The following UHRF1 variants were observed in gnomAD, a reference collection of about 807,000 sequenced individuals.
UHRF1 encodes E3 ubiquitin-protein ligase UHRF1.
Under a neutral mutation model 96.5 loss-of-function variants are expected in UHRF1, and 9 were observed. The ratio of observed to expected loss-of-function variants is 0.09; its 90% CI spans 0.06 to 0.16. The LOEUF is 0.16. UHRF1 is among the 10% of genes least tolerant of loss of function. The pLI is 1.00. For missense variants in UHRF1, 626 were observed against 1,131.1 expected, an observed-to-expected ratio of 0.55 and a Z score of 6.40; for synonymous variants, 455 against 469.9, an observed-to-expected ratio of 0.97 and a Z score of 0.41.
At position 4,960,643 on chromosome 19, in the gene UHRF1, G is replaced by A. The variant is rs367663468; in HGVS notation, c.2236-14G>A. 2.0e-5 allele frequency: 32 copies of A among 1,612,320 alleles called. No homozygotes were observed. In the African/African-American group the frequency reaches 2.5e-4, roughly 13 times the overall value. On this transcript the variant is annotated splice_polypyrimidine_tract_variant and intron_variant, in intron 16 of 16. Coordinates refer to ENST00000650932, the MANE Select transcript of UHRF1 (RefSeq NM_001048201.3). ...TGTGGATGGCACTTCTCACGCGCCT[G>A]CTGTGTCTTACAGGACTGCCTGGAC... is the stretch of plus-strand genomic sequence containing the variant.
At chr19:4,916,500 G>A (rs1217263572) in intron 2 of UHRF1, among the ~76,000 whole-genome samples, 3 of 152,116 alleles carry the variant, frequency 2.0e-5, no homozygotes, top group Admixed American at 2.0e-4. Flanking sequence ...TGTGGCGGTT[G>A]TGTTGACCTC....
intron 1 of UHRF1, 166 bp downstream of exon 1, chr19:4,909,821 G>T: frequency 2.4e-6 from 1 of 423,848 alleles, no homozygotes; most frequent in Non-Finnish European, 4.2e-6. Context: ...TCGTTCCCCG[G>T]CACACATCCG....
chr19:4,947,067 T>G, intron 10 of UHRF1, 38 bp from the exon 11 acceptor site: 9 of 1,395,706 alleles, frequency 6.4e-6, no homozygotes, highest in South Asian at 1.2e-5. Context: ...TTTTTTTGCC[T>G]CTGCAGAGGG....
chr19:4,926,230 T>C (rs2032866454), intron 2 of UHRF1, among the ~76,000 whole-genome samples: 1 of 152,208 alleles, frequency 6.6e-6, no homozygotes, highest in Admixed American at 6.6e-5. Context: ...CCTGGGTTGC[T>C]TCCACTCTCA....
At chr19:4,910,511 G>GGAATGAATGAATCAAT (rs1599233534) in intron 1 of UHRF1, 1 of 180,982 alleles carries the variant, frequency 5.5e-6, no homozygotes, top group African/African-American at 2.3e-5. Flanking sequence ...AGGAATCCGA[G>GGAATGAATGAATCAAT]GAATGAATGA....
chr19:4,935,992 C>T (rs551511554), intron 5 of UHRF1, among the ~76,000 whole-genome samples: 3 of 152,200 alleles, frequency 2.0e-5, no homozygotes, highest in Admixed American at 6.5e-5. Context: ...TTGACTGTCA[C>T]AAGGCAGGGG....
At chr19:4,941,977 C>T (rs768656775) in intron 7 of UHRF1, 46 bp downstream of exon 7, 2 of 1,435,870 alleles carry the variant, frequency 1.4e-6, no homozygotes, top group East Asian at 5.1e-5. Context: ...GCGCCCCCTA[C>T]AAATCCCCAG....
rs372037850 is a variant in UHRF1 at position 4,941,543 on chromosome 19, C to T, written c.801C>T (p.Asn267=). The T allele has an allele frequency of 6.9e-5, 111 of 1,613,186 alleles. No homozygotes were observed. Among genetic ancestry groups the T allele is most frequent in the Middle Eastern group, 1.6e-4 (1 of 6,084 alleles). The part of the protein sequence containing the change: ...ANVVLGDDSL[N]DCRIIFVDEV... Reference sequence around the variant, plus strand: ...TTCCTTGCAGGGATGATTCTCTGAACGACTGTCGGATCATCTTCGTGGACG... The same window carrying T: ...TTCCTTGCAGGGATGATTCTCTGAATGACTGTCGGATCATCTTCGTGGACG... The change falls in exon 6 of 17, where the codon AAC becomes AAT. Residue 267 remains asparagine (N), a synonymous_variant. Coordinates refer to ENST00000650932, the MANE Select transcript of UHRF1 (RefSeq NM_001048201.3).
At chr19:4,940,096 C>A (rs1010898995) in intron 5 of UHRF1, among the ~76,000 whole-genome samples, 1 of 151,110 alleles carries the variant, frequency 6.6e-6, no homozygotes, top group Non-Finnish European at 1.5e-5. Context: ...TCATTAATAA[C>A]TTTTTCATAT....
At chr19:4,909,787 C>T (rs1437531067) in intron 1 of UHRF1, 132 bp downstream of exon 1, 17 of 455,554 alleles carry the variant, frequency 3.7e-5, no homozygotes, top group Non-Finnish European at 4.6e-5. Flanking sequence ...TCCAGGGCCT[C>T]CCCTTCCACC....
Position 4,951,960 on chromosome 19 carries a change from T to C in UHRF1, c.1818+964T>C, listed in dbSNP as rs190659940. Among the ~76,000 whole-genome samples the C allele has an allele frequency of 4.6e-5, 7 of 152,292 alleles. No individual in the cohort carries two copies. The East Asian group carries it at 1.3e-3, about 29-fold the overall frequency. On this transcript the variant is annotated intron_variant, in intron 13 of 16. Transcript: ENST00000650932. ...CTTAATTGCTGTCGAGAGCCTGATG[T>C]CCTCTACCCGAGGGGGTCACTCAGG...
intron 5 of UHRF1, among the ~76,000 whole-genome samples, chr19:4,934,858 T>C (rs986887456): frequency 1.3e-5 from 2 of 152,146 alleles, no homozygotes; most frequent in Admixed American, 6.5e-5. Context: ...CTTAAGCGCG[T>C]GGCTCGGGTG....
chr19:4,935,074 AG>A (rs1313291920), intron 5 of UHRF1, among the ~76,000 whole-genome samples: 1 of 152,042 alleles, frequency 6.6e-6, no homozygotes, highest in Non-Finnish European at 1.5e-5. Flanking sequence ...CCCGGGTTCA[AG>A]GGATCCTCCT....
rs2033791889 is a variant in UHRF1 at position 4,954,244 on chromosome 19, C to T, written c.1819-106C>T. On this transcript the variant is annotated intron_variant, in intron 13 of 16. Transcript: ENST00000650932. This position sits in a 1 kb window ranked among gnomAD's most constrained non-coding sequence, Gnocchi z 5.9. ...TGTGCTCTTCAGGGGGATTGGGGGT[C>T]AGGTGTGTCTGGAAACCCAGACCTG... The T allele has an allele frequency of 4.6e-6, 7 of 1,509,622 alleles. No homozygotes were observed. Among genetic ancestry groups the T allele is most frequent in the Non-Finnish European group, 6.3e-6 (7 of 1,118,268 alleles). 93.5% of individuals were successfully genotyped at this position (1,509,622 alleles called of 1,614,324 possible). A position where few individuals can be genotyped will look rare whatever the true frequency, so the allele number is the denominator to read the frequency against.
At chr19:4,926,249 C>T (rs754911638) in intron 2 of UHRF1, among the ~76,000 whole-genome samples, 9 of 152,184 alleles carry the variant, frequency 5.9e-5, no homozygotes, top group Non-Finnish European at 1.2e-4. Context: ...CAGGCTGTTG[C>T]GAGTGATGCC....
intron 2 of UHRF1, among the ~76,000 whole-genome samples, chr19:4,927,670 GAC>G (rs1046462857): frequency 2.0e-5 from 3 of 152,200 alleles, no homozygotes; most frequent in African/African-American, 7.2e-5. Context: ...GCCTCTAGGG[GAC>G]ACATGGTGAT....
upstream of UHRF1, among the ~76,000 whole-genome samples, chr19:4,907,988 A>G (rs1383838312): frequency 6.6e-6 from 1 of 152,108 alleles, no homozygotes; most frequent in Non-Finnish European, 1.5e-5. Flanking sequence ...CTGGGATTAC[A>G]GGTGTGAGCC....
intron 5 of UHRF1, among the ~76,000 whole-genome samples, chr19:4,936,422 G>A (rs1468865989): frequency 6.6e-6 from 1 of 152,160 alleles, no homozygotes; most frequent in Non-Finnish European, 1.5e-5. Flanking sequence ...CAACACGCGA[G>A]GATGGGTGGC....
chr19:4,938,730 G>GTTTTTTTTT lies in UHRF1; in HGVS notation c.786-2775_786-2767dup, dbSNP rs71170880. On this transcript the variant is annotated intron_variant, in intron 5 of 16. Transcript: ENST00000650932. ...GGCATAAGAGTTTTGTTTTGGTCAG[G>GTTTTTTTTT]TTTTTTTTTTTTTTTTTTTTTTTTT... Among the ~76,000 whole-genome samples the GTTTTTTTTT allele has an allele frequency of 8.6e-3, 532 of 61,546 alleles. 47 individuals carry two copies. The highest frequency in any genetic ancestry group is 9.7e-3 in the Non-Finnish European group (329 of 34,004). The allele number at this position is 61,546 out of a possible 152,430, so 40.4% of individuals were successfully genotyped here.
Sources: allele counts gnomAD v4.1 joint callset (sites outside exome capture counted in the v4.1 genomes callset), GRCh38; gene constraint gnomAD v4.1.1; non-coding constraint Gnocchi (gnomAD v3.1); transcripts MANE v1.5; gene names NCBI Gene and HGNC (gene_info 2026-07-23, HGNC 2026-07-21).